Variants in FHIT observed in about 807,000 individuals in gnomAD.
FHIT encodes fragile histidine triad diadenosine triphosphatase.
Under a neutral mutation model 17.9 loss-of-function variants are expected in FHIT, and 19 were observed. The ratio of observed to expected loss-of-function variants is 1.06; its 90% CI spans 0.74 to 1.56. The LOEUF (loss-of-function observed/expected upper bound fraction) is 1.56. FHIT is among the 40% of genes most tolerant of loss of function. FHIT has a pLI of 0.00. For synonymous variants in FHIT, 81 were observed against 69.7 expected, an observed-to-expected ratio of 1.16 and a Z score of -0.81; for missense variants, 248 against 189.2, an observed-to-expected ratio of 1.31 and a Z score of -1.82.
At chr3:61,080,714 T>C (rs1046232619) in intron 2 of FHIT, among the ~76,000 whole-genome samples, 1 of 152,158 alleles carries the variant, frequency 6.6e-6, no homozygotes, top group Non-Finnish European at 1.5e-5. Context: ...TTTAAGGTGC[T>C]TGATTAGACT....
Position 59,901,065 on chromosome 3 carries a change from T to C in FHIT, c.348+21281A>G, listed in dbSNP as rs942453548. On this transcript the variant is annotated intron_variant, in intron 8 of 9. Transcript: ENST00000492590. ...TTAACGTAACCTCCCATTGTCTTTA[T>C]GCTTTTGTTTCTGTTCTCATTTAAT... Among the ~76,000 whole-genome samples, 3 of 152,350 alleles carry C rather than the reference T, an allele frequency of 2.0e-5. No individual in the cohort carries two copies. In the South Asian group the frequency reaches 6.2e-4, roughly 32 times the overall value.
intron 5 of FHIT, among the ~76,000 whole-genome samples, chr3:60,246,694 C>A (rs1254506944): frequency 6.6e-6 from 1 of 152,102 alleles, no homozygotes; most frequent in Non-Finnish European, 1.5e-5. Context: ...ATATTTACTC[C>A]TATTTAAAGT....
chr3:60,909,514 T>A (rs1488422508), intron 3 of FHIT, among the ~76,000 whole-genome samples: 2 of 152,176 alleles, frequency 1.3e-5, no homozygotes, highest in Non-Finnish European at 2.9e-5. Context: ...GTTCTCTGTA[T>A]ATATAGATGC....
chr3:60,062,911 CCTT>C (rs1468273204), intron 5 of FHIT, among the ~76,000 whole-genome samples: 1 of 152,036 alleles, frequency 6.6e-6, no homozygotes, highest in Non-Finnish European at 1.5e-5. Context: ...AAAAGGCAAA[CCTT>C]CTTTTCCAGT....
At chr3:60,401,238 C>T (rs374719013) in intron 5 of FHIT, among the ~76,000 whole-genome samples, 2 of 152,260 alleles carry the variant, frequency 1.3e-5, no homozygotes, top group African/African-American at 4.8e-5. Flanking sequence ...CAAGTTTCAC[C>T]TCCATATACA....
chr3:60,285,276 A>G lies in FHIT; in HGVS notation c.103+251584T>C, dbSNP rs969710141. 2.0e-5 allele frequency among the ~76,000 whole-genome samples: 3 copies of G among 152,140 alleles called. No individual in the cohort carries two copies. The East Asian group carries it at 5.8e-4, about 29-fold the overall frequency. ...TGTGTAAGATTTTTTAAAAAAATAA[A>G]CATTTGCCAATGTTTTGAGAGGTGA... On this transcript the variant is annotated intron_variant, in intron 5 of 9. Coordinates refer to ENST00000492590, the MANE Select transcript of FHIT (RefSeq NM_002012.4).
intron 2 of FHIT, among the ~76,000 whole-genome samples, chr3:61,157,445 A>T (rs2037564539): frequency 6.6e-6 from 1 of 152,198 alleles, no homozygotes; most frequent in South Asian, 2.1e-4. Context: ...CACCAGGAAC[A>T]CCCTGGTAGT....
intron 5 of FHIT, among the ~76,000 whole-genome samples, chr3:60,204,586 C>A (rs1291153176): frequency 1.7e-5 from 2 of 120,532 alleles, no homozygotes; most frequent in Non-Finnish European, 3.8e-5. Flanking sequence ...CCACCCTTCC[C>A]AGCCTGAAAA....
chr3:60,105,147 T>G (rs1299147837), intron 5 of FHIT, among the ~76,000 whole-genome samples: 2 of 152,150 alleles, frequency 1.3e-5, no homozygotes, highest in African/African-American at 4.8e-5. Flanking sequence ...AGGTTATTGT[T>G]TGGATACAAA....
At chr3:60,372,563 A>G (rs575670300) in intron 5 of FHIT, among the ~76,000 whole-genome samples, 19 of 152,204 alleles carry the variant, frequency 1.2e-4, no homozygotes, top group Non-Finnish European at 2.2e-4. Context: ...GTCCAAGACA[A>G]AAAGAGTCAT....
intron 4 of FHIT, among the ~76,000 whole-genome samples, chr3:60,570,620 C>T: frequency 6.6e-6 from 1 of 151,518 alleles, no homozygotes; most frequent in East Asian, 2.0e-4. Flanking sequence ...TCTTAAAGCT[C>T]TGCGTTTGGC....
chr3:60,535,759 G>C (rs1487327049), intron 5 of FHIT: 1 of 150,562 alleles, frequency 6.6e-6, no homozygotes, highest in East Asian at 1.9e-4. Flanking sequence ...AAATTTGGGA[G>C]TCTATAATAC....
At chr3:60,491,466 A>G (rs944986951) in intron 5 of FHIT, among the ~76,000 whole-genome samples, 18 of 152,198 alleles carry the variant, frequency 1.2e-4, no homozygotes. Flanking sequence ...CTACCTAGAA[A>G]CAGTCCATCA....
chr3:59,935,506 G>A (rs1274281882), intron 7 of FHIT, among the ~76,000 whole-genome samples: 1 of 152,036 alleles, frequency 6.6e-6, no homozygotes, highest in African/African-American at 2.4e-5. Context: ...AGTAATTACA[G>A]GTTTTCTCTT....
chr3:60,961,624 T>C (rs1709450247), intron 3 of FHIT, among the ~76,000 whole-genome samples: 2 of 152,208 alleles, frequency 1.3e-5, no homozygotes, highest in Admixed American at 1.3e-4. Flanking sequence ...AAGGAAGGGA[T>C]CCAGTTTCAG....
At chr3:60,921,890 A>G (rs1416102539) in intron 3 of FHIT, among the ~76,000 whole-genome samples, 1 of 152,204 alleles carries the variant, frequency 6.6e-6, no homozygotes, top group African/African-American at 2.4e-5. Flanking sequence ...CCAAGACATC[A>G]CAGTGTAATA....
chr3:61,041,439 C>T (rs897207137), intron 3 of FHIT, among the ~76,000 whole-genome samples: 1 of 151,672 alleles, frequency 6.6e-6, no homozygotes, highest in South Asian at 2.1e-4. Context: ...GAGATCAAGT[C>T]TGTGCGAGTC....
At chr3:60,168,700 T>C (rs1365790653) in intron 5 of FHIT, among the ~76,000 whole-genome samples, 2 of 152,240 alleles carry the variant, frequency 1.3e-5, no homozygotes, top group Non-Finnish European at 2.9e-5. Flanking sequence ...ATCCTGCGTT[T>C]CATCAAGTCA....
At chr3:60,432,123 A>T in intron 5 of FHIT, among the ~76,000 whole-genome samples, 1 of 151,966 alleles carries the variant, frequency 6.6e-6, no homozygotes, top group South Asian at 2.1e-4. Context: ...CTACAGGTAC[A>T]TGCCACCATG....
Sources: allele counts gnomAD v4.1 joint callset (sites outside exome capture counted in the v4.1 genomes callset), GRCh38; gene constraint gnomAD v4.1.1; transcripts MANE v1.5; gene names NCBI Gene and HGNC (gene_info 2026-07-23, HGNC 2026-07-21).